TTC6: variants seen among roughly 807,000 people sequenced by gnomAD.
TTC6 encodes tetratricopeptide repeat protein 6.
Under a neutral mutation model 210.4 loss-of-function variants are expected in TTC6, and 172 were observed. The observed-to-expected ratio is 0.82, with a 90% CI of 0.72 to 0.93. TTC6 has a LOEUF of 0.93. Among genes scored for constraint, TTC6 ranks in the 40% least tolerant of loss-of-function variants. The pLI, the probability that TTC6 is intolerant of heterozygous loss-of-function variation, is 0.00. For missense variants in TTC6, 2,414 were observed against 2,318.1 expected (o/e 1.04, Z -0.85); for synonymous variants, 804 against 819.6 (o/e 0.98, Z 0.32).
chr14:37,613,021 G>A (rs1325668229), intron 2 of TTC6, among the ~76,000 whole-genome samples: 1 of 152,060 alleles, frequency 6.6e-6, no homozygotes, highest in Admixed American at 6.5e-5. Context: ...GTATGATGTT[G>A]GATATGCATG....
intron 3 of TTC6, among the ~76,000 whole-genome samples, chr14:37,690,352 A>G (rs1264736037): frequency 6.6e-6 from 1 of 151,776 alleles, no homozygotes; most frequent in Non-Finnish European, 1.5e-5. Context: ...AAATAACAAA[A>G]TGGCAAGAGA....
chr14:37,602,789 C>T (rs1566832334), intron 1 of TTC6, among the ~76,000 whole-genome samples: 1 of 152,178 alleles, frequency 6.6e-6, no homozygotes, highest in South Asian at 2.1e-4. Context: ...CCTCACCCAC[C>T]TTAGAGACTC....
chr14:37,610,442 G>C (rs1030377759), intron 2 of TTC6, among the ~76,000 whole-genome samples: 1 of 152,114 alleles, frequency 6.6e-6, no homozygotes, highest in Non-Finnish European at 1.5e-5. Context: ...TGGTACAGAG[G>C]AATATAAAAT....
At chr14:37,702,732 A>C (rs1436432559) in intron 5 of TTC6, among the ~76,000 whole-genome samples, 1 of 152,290 alleles carries the variant, frequency 6.6e-6, no homozygotes, top group East Asian at 1.9e-4. Flanking sequence ...CATACTTTTC[A>C]TGGTATATTT....
chr14:37,752,956 A>T, intron 13 of TTC6, 143 bp from the exon 16 acceptor site: 1 of 514,286 alleles, frequency 1.9e-6, no homozygotes, highest in Non-Finnish European at 3.1e-6. Flanking sequence ...TTCTTTAGCT[A>T]CAACTCTGAA....
At chr14:37,739,049 A>G (rs1466233163) in exon 10 of TTC6, 5 of 1,535,340 alleles carry the variant, frequency 3.3e-6, no homozygotes, top group East Asian at 4.9e-5. Flanking sequence ...CATTAGTTAC[A>G]TTGTTTATCC....
exon 31 of TTC6, chr14:37,842,344 G>T: frequency 7.1e-7 from 1 of 1,406,386 alleles, no homozygotes; most frequent in South Asian, 1.8e-5. Flanking sequence ...TCTCTGAAAC[G>T]GAAACATATT....
At chr14:37,677,589 G>A (rs2095773005) in intron 1 of TTC6, among the ~76,000 whole-genome samples, 1 of 151,978 alleles carries the variant, frequency 6.6e-6, no homozygotes, top group Non-Finnish European at 1.5e-5. Flanking sequence ...TTGAACTTAG[G>A]GGGTTTGTAG....
chr14:37,734,156 A>G (rs1222933611), intron 7 of TTC6, among the ~76,000 whole-genome samples: 1 of 152,184 alleles, frequency 6.6e-6, no homozygotes, highest in East Asian at 1.9e-4. Context: ...TACTATTCAG[A>G]GACAGCTTTA....
chr14:37,766,029 T>C (rs2095998183), intron 14 of TTC6, among the ~76,000 whole-genome samples: 1 of 152,136 alleles, frequency 6.6e-6, no homozygotes, highest in Non-Finnish European at 1.5e-5. Context: ...TCATAATGTG[T>C]CTCTATGTGA....
intron 10 of TTC6, among the ~76,000 whole-genome samples, chr14:37,742,991 A>T (rs1200064465): frequency 2.0e-5 from 3 of 152,230 alleles, no homozygotes; most frequent in African/African-American, 4.8e-5. Flanking sequence ...TTATTTTTAT[A>T]TCAACGATAT....
Position 37,831,211 on chromosome 14 carries a change from A to G in TTC6, c.5298+3845A>G, listed in dbSNP as rs556436392. ...CTGTACCTGGCTTATTTCACTTAAC[A>G]TAATGTCCTCTATGCTCACCCATGT... On this transcript the variant is annotated intron_variant, in intron 29 of 30. Coordinates refer to ENST00000553443, the Ensembl canonical transcript of TTC6. 1.1e-4 allele frequency among the ~76,000 whole-genome samples: 16 copies of G among 152,248 alleles called. No individual in the cohort carries two copies. The South Asian group carries it at 3.1e-3, about 30-fold the overall frequency.
intron 21 of TTC6, 110 bp downstream of exon 23, chr14:37,804,924 T>A: frequency 8.2e-7 from 1 of 1,221,606 alleles, no homozygotes; most frequent in East Asian, 2.4e-5. Flanking sequence ...GGTCCAAAGC[T>A]GCTTATGAAG....
At chr14:37,834,142 G>C (rs2096192380) in intron 29 of TTC6, among the ~76,000 whole-genome samples, 1 of 152,136 alleles carries the variant, frequency 6.6e-6, no homozygotes, top group Admixed American at 6.6e-5. Flanking sequence ...ACTTTTGACA[G>C]TTTGATGATA....
intron 7 of TTC6, among the ~76,000 whole-genome samples, chr14:37,727,492 A>G (rs1373252350): frequency 6.6e-6 from 1 of 151,418 alleles, no homozygotes; most frequent in Non-Finnish European, 1.5e-5. Context: ...ATGGGGTTTC[A>G]CTGTTTTAGC....
intron 5 of TTC6, among the ~76,000 whole-genome samples, chr14:37,705,973 C>T (rs572940915): frequency 6.6e-6 from 1 of 152,224 alleles, no homozygotes; most frequent in Non-Finnish European, 1.5e-5. Flanking sequence ...AATTTGTATA[C>T]AGTTTGAAGT....
intron 29 of TTC6, among the ~76,000 whole-genome samples, chr14:37,835,337 T>G (rs1462438891): frequency 6.6e-6 from 1 of 152,176 alleles, no homozygotes; most frequent in African/African-American, 2.4e-5. Flanking sequence ...GTTTTTTTTG[T>G]GTGTGTGTCT....
chr14:37,628,411 T>G (rs149704988), intron 1 of TTC6, among the ~76,000 whole-genome samples: 2,702 of 152,386 alleles, frequency 0.018, 26 homozygotes, highest in Middle Eastern at 0.037. Flanking sequence ...TGTCTTCTTT[T>G]GAGAAGTGTC....
intron 29 of TTC6, among the ~76,000 whole-genome samples, chr14:37,837,967 A>G (rs2096201764): frequency 6.6e-6 from 1 of 152,214 alleles, no homozygotes; most frequent in South Asian, 2.1e-4. Context: ...GGAAGACAAG[A>G]ACTAGAATGT....
Sources: allele counts gnomAD v4.1 joint callset (sites outside exome capture counted in the v4.1 genomes callset), GRCh38; gene constraint gnomAD v4.1.1; transcripts MANE v1.5; gene names NCBI Gene and HGNC (gene_info 2026-07-23, HGNC 2026-07-21).